TLL1: variants seen among roughly 807,000 people sequenced by gnomAD.
TLL1 encodes the protein tolloid-like protein 1.
In TLL1, 49 loss-of-function variants were observed where a neutral mutation model predicts 128.2. That is an observed-to-expected ratio of 0.38 (90% CI 0.30 to 0.48). The LOEUF is 0.48. Ranked by LOEUF, TLL1 falls within the 20% of genes least tolerant of loss-of-function variation. The probability of loss-of-function intolerance (pLI) is 0.96; values close to 1 mark genes in which losing one functional copy is unlikely to be tolerated. For missense variants in TLL1, 1,123 were observed against 1,242.0 expected (o/e 0.90, Z 1.44); for synonymous variants, 454 against 418.8 (o/e 1.08, Z -1.03).
At chr4:165,987,878 A>G (rs1051089332) in intron 1 of TLL1, among the ~76,000 whole-genome samples, 1 of 152,114 alleles carries the variant, frequency 6.6e-6, no homozygotes, top group Non-Finnish European at 1.5e-5. Flanking sequence ...TTTAAATCCA[A>G]TGAAAGACAG....
chr4:165,878,534 C>T (rs943223331), intron 1 of TLL1, among the ~76,000 whole-genome samples: 1 of 152,078 alleles, frequency 6.6e-6, no homozygotes, highest in African/African-American at 2.4e-5. Context: ...CATATTTGGT[C>T]CACAATGGCA....
intron 8 of TLL1, among the ~76,000 whole-genome samples, chr4:166,019,988 A>G (rs1417108947): frequency 6.6e-6 from 1 of 152,174 alleles, no homozygotes; most frequent in Non-Finnish European, 1.5e-5. Context: ...TGTTTCCTTC[A>G]GTTTGCAGTT....
chr4:166,101,883 G>A lies in TLL1; in HGVS notation c.*1007G>A, dbSNP rs1051285778. 2.6e-5 allele frequency: 4 copies of A among 152,250 alleles called. No homozygotes were observed. The highest frequency in any genetic ancestry group is 4.8e-5 in the African/African-American group (2 of 41,382). 9.4% of individuals were successfully genotyped at this position (152,250 alleles called of 1,614,324 possible). On this transcript the variant is annotated 3_prime_UTR_variant, in exon 21 of 21. Coordinates refer to ENST00000061240, the MANE Select transcript of TLL1 (RefSeq NM_012464.5). ...GAAGTAGGCCTTGTGAGAACTGAAA[G>A]GTCTCTTTCATTTTTCTCTTCCTGG... is the stretch of plus-strand genomic sequence containing the variant.
At chr4:166,081,384 C>T (rs544961971) in intron 18 of TLL1, among the ~76,000 whole-genome samples, 1 of 152,128 alleles carries the variant, frequency 6.6e-6, no homozygotes, top group Non-Finnish European at 1.5e-5. Context: ...ATGGCAGTGA[C>T]CACTTCCCTT....
chr4:165,995,061 G>C lies in TLL1; in HGVS notation c.515G>C (p.Gly172Ala), dbSNP rs761858668. 1 of 1,612,912 alleles carries C rather than the reference G, an allele frequency of 6.2e-7. No individual in the cohort carries two copies. Among genetic ancestry groups the C allele is most frequent in the South Asian group, 1.1e-5 (1 of 90,984 alleles). The change falls in exon 5 of 21, where the codon GGC becomes GCC. Residue 172 changes from glycine (G) to alanine (A), a missense_variant and splice_region_variant. This residue lies in a region of TLL1 where 480 missense variants were observed against 542.4 expected (regional missense o/e 0.89). Coordinates refer to ENST00000061240, the MANE Select transcript of TLL1 (RefSeq NM_012464.5). ...CATTAACATCACACATTTTTTCTAG[G>C]CAGCCAGAGAGCCATGTTCAAGCAG... Reference protein sequence around the residue: ...IPYVIGGNFTGSQRAMFKQAM... With the variant: ...IPYVIGGNFTASQRAMFKQAM...
chr4:166,010,832 T>A (rs1010184415), intron 7 of TLL1, among the ~76,000 whole-genome samples: 1 of 151,232 alleles, frequency 6.6e-6, no homozygotes, highest in South Asian at 2.1e-4. Context: ...GTGTTTTTTT[T>A]AAAAAAGAGA....
At chr4:165,878,920 CTTTTTTTTTTTTTT>C (rs140447889) in intron 1 of TLL1, among the ~76,000 whole-genome samples, 4 of 60,460 alleles carry the variant, frequency 6.6e-5, no homozygotes, top group East Asian at 6.6e-4. Flanking sequence ...TGATGGCTTC[CTTTTTTTTTTTTTT>C]TTTTTTTTTT....
chr4:165,948,613 G>A (rs1282906014), intron 1 of TLL1, among the ~76,000 whole-genome samples: 1 of 152,180 alleles, frequency 6.6e-6, no homozygotes, highest in Non-Finnish European at 1.5e-5. Flanking sequence ...CTCACATGGT[G>A]AGGGGGCTGA....
At chr4:166,057,553 A>G (rs1740083246) in intron 14 of TLL1, among the ~76,000 whole-genome samples, 1 of 152,018 alleles carries the variant, frequency 6.6e-6, no homozygotes, top group Admixed American at 6.6e-5. Flanking sequence ...ACACCATATT[A>G]GTCCATTCTC....
chr4:165,934,986 C>T (rs1217987446), intron 1 of TLL1, among the ~76,000 whole-genome samples: 6 of 152,048 alleles, frequency 3.9e-5, no homozygotes, highest in African/African-American at 7.2e-5. Flanking sequence ...TTTGTTACAG[C>T]GAATACTGAG....
chr4:165,944,712 T>G (rs1296891722), intron 1 of TLL1, among the ~76,000 whole-genome samples: 1 of 151,962 alleles, frequency 6.6e-6, no homozygotes, highest in East Asian at 1.9e-4. Context: ...GGGAAGAAGA[T>G]GGTGACTCTT....
intron 1 of TLL1, among the ~76,000 whole-genome samples, chr4:165,934,606 C>G (rs981415765): frequency 6.6e-6 from 1 of 152,154 alleles, no homozygotes; most frequent in Non-Finnish European, 1.5e-5. Context: ...GGAAGAGATT[C>G]ACTTAAAGAG....
chr4:165,936,587 C>T (rs988421150), intron 1 of TLL1, among the ~76,000 whole-genome samples: 7 of 152,122 alleles, frequency 4.6e-5, no homozygotes, highest in African/African-American at 1.7e-4. Context: ...CTACAGTATA[C>T]ATATGTAACT....
At chr4:165,886,612 T>C (rs555719355) in intron 1 of TLL1, among the ~76,000 whole-genome samples, 31 of 152,296 alleles carry the variant, frequency 2.0e-4, no homozygotes, top group Non-Finnish European at 3.2e-4. Flanking sequence ...ACTAGTCCTA[T>C]ATATAAAATG....
intron 1 of TLL1, among the ~76,000 whole-genome samples, chr4:165,958,043 T>A (rs1384287403): frequency 6.6e-6 from 1 of 151,000 alleles, no homozygotes; most frequent in Non-Finnish European, 1.5e-5. Flanking sequence ...CATGAGCTCA[T>A]CATTTTTTAT....
intron 1 of TLL1, among the ~76,000 whole-genome samples, chr4:165,876,728 G>A (rs1335617089): frequency 2.6e-5 from 4 of 152,188 alleles, no homozygotes; most frequent in African/African-American, 9.6e-5. Flanking sequence ...CAAGTTTCCT[G>A]GCTGCAAGTC....
chr4:165,949,420 A>G (rs1419279874), intron 1 of TLL1, among the ~76,000 whole-genome samples: 1 of 152,174 alleles, frequency 6.6e-6, no homozygotes, highest in Non-Finnish European at 1.5e-5. Context: ...CACTGTCTCC[A>G]GACTTCTGAC....
At chr4:165,888,800 T>C (rs1413559120) in intron 1 of TLL1, among the ~76,000 whole-genome samples, 1 of 152,180 alleles carries the variant, frequency 6.6e-6, no homozygotes, top group Non-Finnish European at 1.5e-5. Flanking sequence ...TTCTTCCTTA[T>C]ACTTAGAAGC....
intron 1 of TLL1, among the ~76,000 whole-genome samples, chr4:165,929,421 C>T (rs1194090378): frequency 6.6e-6 from 1 of 152,040 alleles, no homozygotes; most frequent in East Asian, 1.9e-4. Flanking sequence ...TGCCTGTAAT[C>T]CCAGCTACTC....
Sources: gnomAD v4.1 joint callset for allele counts (sites outside exome capture counted in the v4.1 genomes callset) on GRCh38, gnomAD v4.1.1 for gene constraint, gnomAD v4.1.1 regional missense constraint, MANE v1.5 for transcripts, NCBI Gene and HGNC (gene_info 2026-07-23, HGNC 2026-07-21) for gene names.